AFF3: variants seen among roughly 807,000 people sequenced by gnomAD.
AFF3 encodes the protein ALF transcription elongation factor 3.
In AFF3, 32 loss-of-function variants were observed where a neutral mutation model predicts 129.7. The ratio of observed to expected loss-of-function variants is 0.25; its 90% CI spans 0.19 to 0.33. The LOEUF (loss-of-function observed/expected upper bound fraction) is 0.33. Ranked by LOEUF, AFF3 falls within the 10% of genes least tolerant of loss-of-function variation. AFF3 has a pLI of 1.00. For missense variants in AFF3, 1,373 were observed against 1,592.0 expected, an observed-to-expected ratio of 0.86 and a Z score of 2.34; for synonymous variants, 644 against 635.4, an observed-to-expected ratio of 1.01 and a Z score of -0.20.
At chr2:99,744,689 C>T (rs972003434) in intron 9 of AFF3, among the ~76,000 whole-genome samples, 1 of 152,120 alleles carries the variant, frequency 6.6e-6, no homozygotes, top group East Asian at 1.9e-4. Context: ...TTTTGAGGTT[C>T]ATCCACTCTG....
intron 4 of AFF3, among the ~76,000 whole-genome samples, chr2:100,049,864 A>T (rs1360614784): frequency 6.6e-6 from 1 of 152,164 alleles, no homozygotes; most frequent in Non-Finnish European, 1.5e-5. Flanking sequence ...TTCAAGAAAC[A>T]TTACTGCCCT....
chr2:99,934,671 C>T (rs1157835364), intron 7 of AFF3, among the ~76,000 whole-genome samples: 1 of 152,206 alleles, frequency 6.6e-6, no homozygotes, highest in Non-Finnish European at 1.5e-5. Context: ...CCTGCCCCCT[C>T]AGAAGCCACT....
At chr2:100,065,161 C>T (rs1445545668) in intron 4 of AFF3, among the ~76,000 whole-genome samples, 3 of 152,208 alleles carry the variant, frequency 2.0e-5, no homozygotes, top group South Asian at 2.1e-4. Flanking sequence ...AACGAGGCTG[C>T]TCTGCCTTCT....
At chr2:99,931,360 G>A (rs1221321150) in intron 7 of AFF3, among the ~76,000 whole-genome samples, 3 of 152,174 alleles carry the variant, frequency 2.0e-5, no homozygotes, top group Non-Finnish European at 4.4e-5. Context: ...GCCATTAAAA[G>A]CAATAGCAAA....
chr2:99,838,506 G>C (rs1197053074), intron 7 of AFF3, among the ~76,000 whole-genome samples: 1 of 151,930 alleles, frequency 6.6e-6, no homozygotes, highest in African/African-American at 2.4e-5. Context: ...GTCATCCTTC[G>C]AACAGCAGCT....
intron 13 of AFF3, among the ~76,000 whole-genome samples, chr2:99,642,353 T>G (rs1684287593): frequency 6.6e-6 from 1 of 152,164 alleles, no homozygotes; most frequent in South Asian, 2.1e-4. Flanking sequence ...TTTTTCCATT[T>G]CTTCCCCCTG....
At chr2:99,912,628 G>A (rs1695176158) in intron 7 of AFF3, among the ~76,000 whole-genome samples, 1 of 152,104 alleles carries the variant, frequency 6.6e-6, no homozygotes, top group African/African-American at 2.4e-5. Flanking sequence ...ACTAGGATAT[G>A]AAAGAGATAG....
intron 8 of AFF3, among the ~76,000 whole-genome samples, chr2:99,832,151 C>T (rs1328388279): frequency 2.0e-5 from 3 of 152,186 alleles, no homozygotes; most frequent in African/African-American, 4.8e-5. Context: ...TCAGAACCCG[C>T]TTTTTACTGT....
At chr2:99,979,430 A>C (rs1213616677) in intron 7 of AFF3, among the ~76,000 whole-genome samples, 1 of 152,186 alleles carries the variant, frequency 6.6e-6, no homozygotes, top group East Asian at 1.9e-4. Flanking sequence ...AGGACTATTC[A>C]GATTCCATGA....
At chr2:100,110,248 C>G (rs1691468656) in intron 2 of AFF3, 1 of 152,146 alleles carries the variant, frequency 6.6e-6, no homozygotes, top group Non-Finnish European at 1.5e-5. Flanking sequence ...AGTCATAAAC[C>G]TTTTCTTGTT....
At chr2:99,862,832 T>C (rs768372596) in intron 7 of AFF3, among the ~76,000 whole-genome samples, 2 of 152,266 alleles carry the variant, frequency 1.3e-5, no homozygotes, top group African/African-American at 4.8e-5. Context: ...AGGTTTCCTC[T>C]TCCTGTCCCT....
At chr2:99,782,749 G>C (rs1229769463) in intron 8 of AFF3, among the ~76,000 whole-genome samples, 1 of 152,228 alleles carries the variant, frequency 6.6e-6, no homozygotes, top group Non-Finnish European at 1.5e-5. Flanking sequence ...GGCAAACTCA[G>C]AGACAAGACT....
intron 15 of AFF3, among the ~76,000 whole-genome samples, chr2:99,591,755 C>A (rs552994504): frequency 6.6e-6 from 1 of 152,180 alleles, no homozygotes; most frequent in Non-Finnish European, 1.5e-5. Context: ...AGACCTCAGA[C>A]TGATTTCTTA....
intron 13 of AFF3, among the ~76,000 whole-genome samples, chr2:99,649,269 G>A (rs1046173094): frequency 1.3e-5 from 2 of 152,178 alleles, no homozygotes; most frequent in Admixed American, 1.3e-4. Flanking sequence ...TATGGAAAAA[G>A]TCTGAAGAAA....
At chr2:99,962,146 G>C (rs865985503) in intron 7 of AFF3, among the ~76,000 whole-genome samples, 1 of 152,148 alleles carries the variant, frequency 6.6e-6, no homozygotes, top group Non-Finnish European at 1.5e-5. Context: ...ATACTCCACT[G>C]CTCCACATAA....
At position 99,923,644 on chromosome 2, in the gene AFF3, G is replaced by A. The variant is rs540728140; in HGVS notation, c.873+82988C>T. On this transcript the variant is annotated intron_variant, in intron 7 of 24. Transcript: ENST00000672756. ...CAAAGCAACAATGGTTGTTCAAAAT[G>A]GCAAATGAACATATTGTTCGTTCTT... 4.6e-5 allele frequency among the ~76,000 whole-genome samples: 7 copies of A among 152,068 alleles called. No individual in the cohort carries two copies. In the East Asian group the frequency reaches 1.4e-3, roughly 29 times the overall value.
intron 7 of AFF3, among the ~76,000 whole-genome samples, chr2:99,979,921 G>GC (rs1679243481): frequency 6.6e-6 from 1 of 151,966 alleles, no homozygotes; most frequent in Non-Finnish European, 1.5e-5. Context: ...TAAAGTACAG[G>GC]CAATGTAGAT....
chr2:99,689,369 G>A lies in AFF3; in HGVS notation c.1092-16780C>T, dbSNP rs542557355. Among the ~76,000 whole-genome samples, 30 of 152,050 alleles carry A rather than the reference G, an allele frequency of 2.0e-4. No individual in the cohort carries two copies. In the South Asian group the frequency reaches 5.8e-3, roughly 30 times the overall value. On this transcript the variant is annotated intron_variant, in intron 11 of 24. Transcript: ENST00000672756. The stretch of plus-strand genomic sequence containing the variant: ...TTATAGTTCCACTTCTCTGAGTCTC[G>A]GCCTGGGCTGCCCTTCCTGCCTGAT...
In AFF3 at chr2:100,061,860, G is replaced by A. The variant is rs528516490; in HGVS notation, c.53+42542C>T. On this transcript the variant is annotated intron_variant, in intron 4 of 24. Transcript: ENST00000672756. ...AAAGAGATGGGTAGCACAGTGGAGG[G>A]GGGGGGGGTGCCGACTCTCAAGTCC... 6.9e-4 allele frequency among the ~76,000 whole-genome samples: 104 copies of A among 151,220 alleles called. 10 individuals carry two copies. The highest frequency in any genetic ancestry group is 1.1e-3 in the Non-Finnish European group (73 of 67,686).
Sources: gnomAD v4.1 joint callset for allele counts (sites outside exome capture counted in the v4.1 genomes callset) on GRCh38, gnomAD v4.1.1 for gene constraint, MANE v1.5 for transcripts, NCBI Gene and HGNC (gene_info 2026-07-23, HGNC 2026-07-21) for gene names.